Variants in BNC2 observed in about 807,000 individuals in gnomAD.
BNC2 encodes the protein zinc finger protein basonuclin-2.
A neutral mutation model predicts 76.3 loss-of-function variants in BNC2; 20 were observed. The ratio of observed to expected loss-of-function variants is 0.26; its 90% CI spans 0.18 to 0.38. The LOEUF (loss-of-function observed/expected upper bound fraction) is 0.38. Ranked by LOEUF, BNC2 falls within the 10% of genes least tolerant of loss-of-function variation. BNC2 has a pLI of 1.00. For missense variants in BNC2, 1,382 were observed against 1,399.8 expected (o/e 0.99, Z 0.20); for synonymous variants, 582 against 514.8 (o/e 1.13, Z -1.77).
chr9:16,809,889 G>C (rs1818003345), intron 1 of BNC2, among the ~76,000 whole-genome samples: 1 of 152,184 alleles, frequency 6.6e-6, no homozygotes, highest in African/African-American at 2.4e-5. Context: ...GGCTGAATAA[G>C]AATGTATTAT....
chr9:16,870,067 C>T (rs1819639172), intron 1 of BNC2, among the ~76,000 whole-genome samples: 1 of 152,176 alleles, frequency 6.6e-6, no homozygotes, highest in African/African-American at 2.4e-5. Context: ...CATTTCCTCC[C>T]ATCTCCATTT....
At chr9:16,668,471 A>G (rs1822371019) in intron 3 of BNC2, among the ~76,000 whole-genome samples, 1 of 152,196 alleles carries the variant, frequency 6.6e-6, no homozygotes, top group Non-Finnish European at 1.5e-5. Context: ...ACATGAGTGA[A>G]TATTCTGATT....
chr9:16,471,425 C>T (rs1214632360), intron 5 of BNC2, among the ~76,000 whole-genome samples: 1 of 151,994 alleles, frequency 6.6e-6, no homozygotes, highest in East Asian at 1.9e-4. Flanking sequence ...TCCCAAGTAG[C>T]TGGGACTACA....
chr9:16,838,557 G>T (rs568282497), intron 1 of BNC2, among the ~76,000 whole-genome samples: 1 of 152,216 alleles, frequency 6.6e-6, no homozygotes, highest in African/African-American at 2.4e-5. Context: ...GCGAAACTCC[G>T]TGTTAAAAAA....
chr9:16,733,862 C>CA (rs1415619359), intron 2 of BNC2, among the ~76,000 whole-genome samples: 1 of 148,128 alleles, frequency 6.8e-6, no homozygotes, highest in Non-Finnish European at 1.5e-5. Context: ...CCAGCCTGGG[C>CA]AAAAAGAGGG....
intron 5 of BNC2, among the ~76,000 whole-genome samples, chr9:16,440,882 T>C (rs58105894): frequency 0.091 from 13,823 of 152,270 alleles, 673 homozygotes; most frequent in Middle Eastern, 0.15. Context: ...AGAGAAGCTT[T>C]ATTTATAGTG....
chr9:16,476,357 C>G (rs1480377498), intron 5 of BNC2: 1 of 152,194 alleles, frequency 6.6e-6, no homozygotes, highest in Non-Finnish European at 1.5e-5. Flanking sequence ...TTCTCCTGTA[C>G]ACACCTGAGG....
intron 1 of BNC2, among the ~76,000 whole-genome samples, chr9:16,815,579 G>A (rs920666093): frequency 6.6e-5 from 10 of 152,332 alleles, no homozygotes; most frequent in Admixed American, 1.3e-4. Context: ...CTTTGGTGAT[G>A]AGTGGCGGAT....
intron 4 of BNC2, among the ~76,000 whole-genome samples, chr9:16,555,180 G>C (rs1388945033): frequency 3.2e-5 from 4 of 123,508 alleles, no homozygotes; most frequent in African/African-American, 7.8e-5. Flanking sequence ...CACCACGCCT[G>C]ACTAATTTTT....
At chr9:16,450,499 G>C (rs1301690247) in intron 5 of BNC2, among the ~76,000 whole-genome samples, 1 of 152,188 alleles carries the variant, frequency 6.6e-6, no homozygotes, top group Non-Finnish European at 1.5e-5. Context: ...ATGACACCAA[G>C]GTGGCTGATA....
chr9:16,476,218 A>G (rs1821924587), intron 5 of BNC2: 1 of 152,226 alleles, frequency 6.6e-6, no homozygotes, highest in South Asian at 2.1e-4. Context: ...GATTCATTAC[A>G]ATAAAAACAG....
chr9:16,592,127 A>G (rs961166321), intron 3 of BNC2, among the ~76,000 whole-genome samples: 1 of 152,092 alleles, frequency 6.6e-6, no homozygotes, highest in Non-Finnish European at 1.5e-5. Context: ...TCCCCCCAAA[A>G]AAAACCTTGA....
chr9:16,506,756 T>G (rs1822638074), intron 5 of BNC2, among the ~76,000 whole-genome samples: 1 of 151,368 alleles, frequency 6.6e-6, no homozygotes, highest in Non-Finnish European at 1.5e-5. Context: ...TTGGTTTTTT[T>G]TGTTTGTTTG....
chr9:16,674,117 T>A (rs1265227863), intron 3 of BNC2, among the ~76,000 whole-genome samples: 1 of 152,194 alleles, frequency 6.6e-6, no homozygotes, highest in Non-Finnish European at 1.5e-5. Context: ...CATTACAGCA[T>A]CAATTTCATA....
At chr9:16,778,978 A>C (rs1316843556) in intron 1 of BNC2, among the ~76,000 whole-genome samples, 1 of 152,018 alleles carries the variant, frequency 6.6e-6, no homozygotes, top group African/African-American at 2.4e-5. Flanking sequence ...TGGTAATGCA[A>C]TGTTCAAACA....
chr9:16,547,746 G>T (rs1818531451), intron 5 of BNC2, among the ~76,000 whole-genome samples: 1 of 152,164 alleles, frequency 6.6e-6, no homozygotes. Flanking sequence ...AATAGCTCAT[G>T]TGGGAGAAGA....
At chr9:16,490,272 G>A (rs980988471) in intron 5 of BNC2, among the ~76,000 whole-genome samples, 4 of 152,146 alleles carry the variant, frequency 2.6e-5, no homozygotes, top group African/African-American at 4.8e-5. Flanking sequence ...CATGGCAGCC[G>A]CAAGAGAAAA....
At chr9:16,511,255 A>C (rs1356222439) in intron 5 of BNC2, among the ~76,000 whole-genome samples, 1 of 150,918 alleles carries the variant, frequency 6.6e-6, no homozygotes, top group Non-Finnish European at 1.5e-5. Flanking sequence ...GACTACAGGC[A>C]CCTGACACCA....
At chr9:16,833,605 T>A (rs1271368798) in intron 1 of BNC2, among the ~76,000 whole-genome samples, 2 of 152,144 alleles carry the variant, frequency 1.3e-5, no homozygotes, top group African/African-American at 4.8e-5. Flanking sequence ...GCAGGCCCAT[T>A]ATGGGGGCCT....
Sources: gnomAD v4.1 joint callset for allele counts (sites outside exome capture counted in the v4.1 genomes callset) on GRCh38, gnomAD v4.1.1 for gene constraint, MANE v1.5 for transcripts, NCBI Gene and HGNC (gene_info 2026-07-23, HGNC 2026-07-21) for gene names.